SLC35D4: variants seen among roughly 807,000 people sequenced by gnomAD.
SLC35D4 encodes the protein solute carrier family 35 member D4.
chr18:23,409,090 G>A, the SLC35D4 span, among the ~76,000 whole-genome samples: 4 of 151,722 alleles, frequency 2.6e-5, no homozygotes, highest in African/African-American at 7.3e-5. Flanking sequence ...AGCTGAGATT[G>A]TGCCACTGCA....
chr18:23,276,951 C>T, the SLC35D4 span, among the ~76,000 whole-genome samples: 4 of 152,244 alleles, frequency 2.6e-5, no homozygotes, highest in Non-Finnish European at 5.9e-5. Context: ...CTTTTCTTCT[C>T]CTCTCTACCT....
the SLC35D4 span, among the ~76,000 whole-genome samples, chr18:23,242,803 A>G: frequency 6.6e-6 from 1 of 152,308 alleles, no homozygotes; most frequent in Admixed American, 6.5e-5. Flanking sequence ...TTTACCGAAT[A>G]TTAAAATCTA....
chr18:23,246,235 C>G, the SLC35D4 span, among the ~76,000 whole-genome samples: 1 of 150,230 alleles, frequency 6.7e-6, no homozygotes, highest in African/African-American at 2.4e-5. Flanking sequence ...CTGCACACTC[C>G]AGCCTAGGTG....
chr18:23,362,558 C>T, the SLC35D4 span, among the ~76,000 whole-genome samples: 1 of 152,280 alleles, frequency 6.6e-6, no homozygotes, highest in East Asian at 1.9e-4. Flanking sequence ...AAGATTGCAC[C>T]ACTGCACTCC....
the SLC35D4 span, among the ~76,000 whole-genome samples, chr18:23,349,617 C>T: frequency 6.6e-6 from 1 of 152,198 alleles, no homozygotes; most frequent in Non-Finnish European, 1.5e-5. Flanking sequence ...GGCGACAGAG[C>T]GAGACTACGT....
At chr18:23,363,620 C>T in the SLC35D4 span, among the ~76,000 whole-genome samples, 14 of 151,830 alleles carry the variant, frequency 9.2e-5, no homozygotes, top group African/African-American at 2.7e-4. Context: ...GTGATCCACC[C>T]GCCTCAGCCT....
chr18:23,356,670 G>C, the SLC35D4 span: 1 of 1,613,698 alleles, frequency 6.2e-7, no homozygotes, highest in African/African-American at 1.3e-5. The surrounding 1 kb of genome is among the most constrained non-coding windows in gnomAD (Gnocchi z 4.1). Flanking sequence ...TCACCTGAGG[G>C]GAACAGCAAT....
chr18:23,436,861 G>T, the SLC35D4 span, among the ~76,000 whole-genome samples: 1 of 152,188 alleles, frequency 6.6e-6, no homozygotes, highest in Admixed American at 6.5e-5. Context: ...AATATATAAA[G>T]GCAGCCATTC....
At chr18:23,369,749 G>A in the SLC35D4 span, among the ~76,000 whole-genome samples, 1 of 152,212 alleles carries the variant, frequency 6.6e-6, no homozygotes, top group African/African-American at 2.4e-5. Context: ...ACAGCAAGAA[G>A]AGGGCCGGCT....
the SLC35D4 span, among the ~76,000 whole-genome samples, chr18:23,319,781 A>G: frequency 6.6e-6 from 1 of 152,244 alleles, no homozygotes; most frequent in Admixed American, 6.5e-5. Context: ...GCCAAGGGCC[A>G]GATGCATAAA....
the SLC35D4 span, among the ~76,000 whole-genome samples, chr18:23,432,403 C>T: frequency 4.5e-4 from 69 of 152,250 alleles, no homozygotes; most frequent in Middle Eastern, 3.4e-3. Context: ...AGAAGGAGCC[C>T]CATGCGCGGT....
At chr18:23,318,338 A>T in the SLC35D4 span, among the ~76,000 whole-genome samples, 1 of 152,212 alleles carries the variant, frequency 6.6e-6, no homozygotes, top group Non-Finnish European at 1.5e-5. Flanking sequence ...TATGAGTCCC[A>T]TATCAGATAT....
chr18:23,409,009 C>T, the SLC35D4 span, among the ~76,000 whole-genome samples: 1 of 151,958 alleles, frequency 6.6e-6, no homozygotes, highest in African/African-American at 2.4e-5. Flanking sequence ...GTGGTGGGCA[C>T]TTGTAATTCC....
At chr18:23,273,256 G>A in the SLC35D4 span, among the ~76,000 whole-genome samples, 2 of 152,224 alleles carry the variant, frequency 1.3e-5, no homozygotes, top group Non-Finnish European at 2.9e-5. Flanking sequence ...ATCAGAATGA[G>A]CAGAATCAGA....
the SLC35D4 span, among the ~76,000 whole-genome samples, chr18:23,290,482 C>A: frequency 5.1e-4 from 78 of 152,310 alleles, no homozygotes; most frequent in African/African-American, 1.8e-3. Flanking sequence ...AGAACAAATA[C>A]CCCCAGACTA....
chr18:23,399,722 C>T, the SLC35D4 span: 2 of 1,389,046 alleles, frequency 1.4e-6, no homozygotes, highest in Non-Finnish European at 2.0e-6. Flanking sequence ...AAGGCTGACC[C>T]TCCAGATGCA....
At chr18:23,418,736 G>C in the SLC35D4 span, among the ~76,000 whole-genome samples, 1 of 151,794 alleles carries the variant, frequency 6.6e-6, no homozygotes, top group African/African-American at 2.4e-5. Context: ...GGCCGGGTAC[G>C]GTGGCTCAAG....
the SLC35D4 span, among the ~76,000 whole-genome samples, chr18:23,348,159 G>T: frequency 6.6e-6 from 1 of 151,716 alleles, no homozygotes; most frequent in African/African-American, 2.4e-5. Flanking sequence ...TTTTTCTATT[G>T]TGAATTTCAA....
At chr18:23,427,004 T>C in the SLC35D4 span, among the ~76,000 whole-genome samples, 4 of 152,144 alleles carry the variant, frequency 2.6e-5, no homozygotes, top group Non-Finnish European at 4.4e-5. Context: ...TTACAACTTA[T>C]ACAAAAATTA....
Sources: allele counts gnomAD v4.1 joint callset (sites outside exome capture counted in the v4.1 genomes callset), GRCh38; gene constraint gnomAD v4.1.1; non-coding constraint Gnocchi (gnomAD v3.1); transcripts MANE v1.5; gene names NCBI Gene and HGNC (gene_info 2026-07-23, HGNC 2026-07-21).